The following ANKRD44 variants were observed in gnomAD, a reference collection of about 807,000 sequenced individuals.
The protein encoded by ANKRD44 is serine/threonine-protein phosphatase 6 regulatory ankyrin repeat subunit B.
ANKRD44 carries 35 observed loss-of-function variants against 116.0 expected under a neutral mutation model. The observed-to-expected ratio is 0.30, with a 90% CI of 0.23 to 0.40. ANKRD44 has a LOEUF of 0.40. Among genes scored for constraint, ANKRD44 ranks in the 10% least tolerant of loss-of-function variants. ANKRD44 has a pLI of 1.00. For missense variants in ANKRD44, 1,014 were observed against 1,242.6 expected (o/e 0.82, Z 2.77); for synonymous variants, 435 against 461.8 (o/e 0.94, Z 0.74).
chr2:197,031,790 T>A lies in ANKRD44; in HGVS notation c.1651-6523A>T, dbSNP rs1319066043. Among the ~76,000 whole-genome samples, 19 of 152,128 alleles carry A rather than the reference T, an allele frequency of 1.2e-4. 1 individual carries two copies. Among genetic ancestry groups the A allele is most frequent in the South Asian group, 4.1e-4 (2 of 4,832 alleles). On this transcript the variant is annotated intron_variant, in intron 16 of 27. Coordinates refer to ENST00000282272, the MANE Select transcript of ANKRD44 (RefSeq NM_001195144.2). ...ACACTTTGTGTTTGTTTCTTATTAG[T>A]GTGAAAACAGAATCTGGAACTTAAA...
intron 1 of ANKRD44, among the ~76,000 whole-genome samples, chr2:197,221,087 T>A (rs1007471180): frequency 6.6e-6 from 1 of 151,870 alleles, no homozygotes; most frequent in South Asian, 2.1e-4. Context: ...CCGTCTCTAC[T>A]AAAAAATACA....
chr2:197,083,411 C>A lies in ANKRD44; in HGVS notation c.1415G>T (p.Arg472Leu). 1 of 1,613,754 alleles carries A rather than the reference C, an allele frequency of 6.2e-7. No homozygotes were observed. Among genetic ancestry groups the A allele is most frequent in the Non-Finnish European group, 8.5e-7 (1 of 1,179,868 alleles). ...TGCAGCGGCGTAATGCAAAGCTGTG[C>A]GTCCCCAGTCATCTGTTTCATTAAC... The part of the protein sequence containing the change: ...ANVNETDDWG[R>L]TALHYAAASD... The change falls in exon 14 of 28, where the codon CGC becomes CTC. Residue 472 changes from arginine (R) to leucine (L), a missense_variant. Coordinates refer to ENST00000282272, the MANE Select transcript of ANKRD44 (RefSeq NM_001195144.2).
chr2:197,186,946 T>C, intron 2 of ANKRD44, 77 bp downstream of exon 2: 3 of 1,157,402 alleles, frequency 2.6e-6, no homozygotes, highest in Non-Finnish European at 2.6e-6. Context: ...CAAGAGTCCA[T>C]GGTATATAAA....
intron 1 of ANKRD44, among the ~76,000 whole-genome samples, chr2:197,269,324 A>T (rs761828143): frequency 1.6e-4 from 25 of 152,112 alleles, no homozygotes; most frequent in Non-Finnish European, 3.4e-4. Context: ...CCTAATGGAG[A>T]TCCACTAAGA....
At chr2:197,067,150 C>A (rs2077452267) in intron 16 of ANKRD44, among the ~76,000 whole-genome samples, 1 of 152,158 alleles carries the variant, frequency 6.6e-6, no homozygotes, top group Non-Finnish European at 1.5e-5. Context: ...ACTATCTGAT[C>A]TTTGACAAAC....
chr2:197,137,994 G>A (rs148976886), intron 3 of ANKRD44, among the ~76,000 whole-genome samples: 8 of 152,200 alleles, frequency 5.3e-5, no homozygotes, highest in Non-Finnish European at 1.2e-4. Context: ...AAATGAATGC[G>A]GTTTTGGAAG....
At chr2:197,234,599 A>C (rs2081940267) in intron 1 of ANKRD44, among the ~76,000 whole-genome samples, 1 of 152,224 alleles carries the variant, frequency 6.6e-6, no homozygotes, top group Non-Finnish European at 1.5e-5. Context: ...CATGTTGTAC[A>C]TGCCCATCCA....
At chr2:197,080,026 T>C (rs2077758223) in intron 15 of ANKRD44, among the ~76,000 whole-genome samples, 1 of 152,212 alleles carries the variant, frequency 6.6e-6, no homozygotes. Flanking sequence ...AAGGAAGTTC[T>C]TTTTTATTTT....
intron 8 of ANKRD44, among the ~76,000 whole-genome samples, chr2:197,112,889 A>G (rs1041977080): frequency 6.6e-6 from 1 of 152,058 alleles, no homozygotes; most frequent in Non-Finnish European, 1.5e-5. Context: ...GCATTTTATT[A>G]TATTCTATAA....
At chr2:197,116,852 T>C (rs927417661) in intron 8 of ANKRD44, among the ~76,000 whole-genome samples, 1 of 152,178 alleles carries the variant, frequency 6.6e-6, no homozygotes, top group Non-Finnish European at 1.5e-5. Flanking sequence ...TACCAAAACC[T>C]AAAAATCAGC....
chr2:197,249,166 G>A (rs2125823998), intron 1 of ANKRD44, among the ~76,000 whole-genome samples: 1 of 152,282 alleles, frequency 6.6e-6, no homozygotes, highest in African/African-American at 2.4e-5. Flanking sequence ...CCAACTACTT[G>A]AGAGGCTGAG....
At chr2:197,179,462 G>A (rs989864997) in intron 2 of ANKRD44, among the ~76,000 whole-genome samples, 16 of 152,190 alleles carry the variant, frequency 1.1e-4, no homozygotes, top group East Asian at 3.9e-4. Context: ...GTCCAAATGC[G>A]TATCTAATAT....
chr2:197,170,320 C>A (rs1213861965), intron 2 of ANKRD44, among the ~76,000 whole-genome samples: 1 of 151,958 alleles, frequency 6.6e-6, no homozygotes, highest in Non-Finnish European at 1.5e-5. Flanking sequence ...ATGACAGTTA[C>A]CTTGTAAATC....
chr2:196,978,674 G>T (rs1036328866), intron 21 of ANKRD44, among the ~76,000 whole-genome samples: 3 of 152,112 alleles, frequency 2.0e-5, no homozygotes, highest in African/African-American at 7.2e-5. Context: ...AATATATTCT[G>T]AAATTAGATA....
At chr2:197,255,390 C>T (rs2082421294) in intron 1 of ANKRD44, among the ~76,000 whole-genome samples, 2 of 152,222 alleles carry the variant, frequency 1.3e-5, no homozygotes, top group African/African-American at 4.8e-5. Flanking sequence ...CACAATAGAG[C>T]AGCCTGGGGC....
intron 1 of ANKRD44, among the ~76,000 whole-genome samples, chr2:197,261,398 A>C (rs1972325): frequency 1 from 151,635 of 151,770 alleles, 75,750 homozygotes; most frequent in Middle Eastern, 1. Flanking sequence ...AGATATGTGG[A>C]ATTATTTCTG....
chr2:197,083,485 C>A lies in ANKRD44; in HGVS notation c.1341G>T (p.Ala447=), dbSNP rs150062198. Residue 447 remains alanine, a synonymous_variant, in exon 14 of 28, where the codon GCG becomes GCT. Transcript: ENST00000282272. ...CGRTPLHYAA[A]NCHFHCIETL... is the part of the protein sequence containing the mutation. ...TCTCAATACAGTGGAAATGACAATT[C>A]GCAGCTGCATAGTGCAAAGGGGTCC... 1.2e-6 allele frequency: 2 copies of A among 1,613,500 alleles called. No homozygotes were observed. Among genetic ancestry groups the A allele is most frequent in the African/African-American group, 2.7e-5 (2 of 75,004 alleles).
At chr2:197,019,551 C>T (rs892169872) in intron 17 of ANKRD44, among the ~76,000 whole-genome samples, 11 of 152,178 alleles carry the variant, frequency 7.2e-5, no homozygotes, top group Non-Finnish European at 1.2e-4. Context: ...GGTTACACAG[C>T]CTAATGTGGA....
Position 197,086,711 on chromosome 2 carries a change from C to A in ANKRD44, c.1285G>T (p.Ala429Ser), listed in dbSNP as rs2077932594. ...ECIKLLQSSG[A>S]DFHKKDKCGR... ...CACTTGTCCTTTTTATGGAAATCTG[C>A]TCCGCTGCTCTGCAAGAGTTTTATA... Residue 429 changes from alanine (A) to serine (S), a missense_variant, in exon 13 of 28, where the codon GCA (alanine) becomes TCA (serine). Ala to Ser is a moderately conservative substitution (Grantham distance 99, BLOSUM62 1). Transcript: ENST00000282272. 6.2e-7 allele frequency: 1 copy of A among 1,613,820 alleles called. No individual in the cohort carries two copies. The highest frequency in any genetic ancestry group is 1.3e-5 in the African/African-American group (1 of 74,920).
Sources: allele counts gnomAD v4.1 joint callset (sites outside exome capture counted in the v4.1 genomes callset), GRCh38; gene constraint gnomAD v4.1.1; transcripts MANE v1.5; gene names NCBI Gene and HGNC (gene_info 2026-07-23, HGNC 2026-07-21).